The following THSD4 variants were observed in gnomAD, a reference collection of about 807,000 sequenced individuals.
The protein encoded by THSD4 is thrombospondin type 1 domain containing 4.
A neutral mutation model predicts 119.0 loss-of-function variants in THSD4; 69 were observed. The ratio of observed to expected loss-of-function variants is 0.58; its 90% CI spans 0.48 to 0.71. THSD4 has a LOEUF of 0.71. Among genes scored for constraint, THSD4 ranks in the 30% least tolerant of loss-of-function variants. THSD4 has a pLI of 0.00. For missense variants in THSD4, 1,393 were observed against 1,391.1 expected (o/e 1.00, Z -0.02); for synonymous variants, 524 against 540.4 (o/e 0.97, Z 0.42).
At chr15:71,186,771 G>T (rs1378616105) in intron 3 of THSD4, 3 of 152,210 alleles carry the variant, frequency 2.0e-5, no homozygotes, top group African/African-American at 7.2e-5. Flanking sequence ...AGTTATTATT[G>T]CAAGGCATTT....
At chr15:71,693,488 A>C (rs2052097232) in intron 8 of THSD4, among the ~76,000 whole-genome samples, 1 of 152,162 alleles carries the variant, frequency 6.6e-6, no homozygotes, top group Non-Finnish European at 1.5e-5. Flanking sequence ...CTGTACAAAA[A>C]ATACAAAAAT....
intron 7 of THSD4, among the ~76,000 whole-genome samples, chr15:71,513,676 T>C (rs781219418): frequency 4.6e-5 from 7 of 152,184 alleles, no homozygotes; most frequent in Non-Finnish European, 8.8e-5. Flanking sequence ...GCAATGAAAT[T>C]GCTGGGTATT....
chr15:71,582,996 A>C (rs1373749722), intron 7 of THSD4, among the ~76,000 whole-genome samples: 1 of 152,084 alleles, frequency 6.6e-6, no homozygotes, highest in East Asian at 1.9e-4. Flanking sequence ...GGTCTGGGAA[A>C]CTTTGGCATT....
chr15:71,519,787 A>G (rs533765726), intron 7 of THSD4, among the ~76,000 whole-genome samples: 1 of 152,290 alleles, frequency 6.6e-6, no homozygotes, highest in South Asian at 2.1e-4. Context: ...TTTTTGAAGG[A>G]GGAGGATAGT....
At chr15:71,629,042 G>A (rs887362325) in intron 7 of THSD4, among the ~76,000 whole-genome samples, 3 of 152,140 alleles carry the variant, frequency 2.0e-5, no homozygotes, top group African/African-American at 4.8e-5. Flanking sequence ...CAGTTATCAC[G>A]GGGTTTGGTT....
intron 4 of THSD4, among the ~76,000 whole-genome samples, chr15:71,240,684 A>T (rs2044144197): frequency 6.6e-6 from 1 of 152,174 alleles, no homozygotes; most frequent in Non-Finnish European, 1.5e-5. Flanking sequence ...ATCTTAAAAA[A>T]ACACACATAC....
chr15:71,465,718 A>G (rs16955657), intron 7 of THSD4, among the ~76,000 whole-genome samples: 2,946 of 152,326 alleles, frequency 0.019, 71 homozygotes, highest in South Asian at 0.065. Context: ...CTCATGGGTT[A>G]TTTCCCAAAA....
chr15:71,429,335 A>G (rs983740875), intron 7 of THSD4, among the ~76,000 whole-genome samples: 1 of 152,224 alleles, frequency 6.6e-6, no homozygotes, highest in Non-Finnish European at 1.5e-5. Flanking sequence ...GTGGCCTGGG[A>G]CAAAGTCTGT....
At chr15:71,749,731 T>TTATTTATTTATTTATC (rs1249697166) in intron 14 of THSD4, among the ~76,000 whole-genome samples, 1 of 150,476 alleles carries the variant, frequency 6.6e-6, no homozygotes, top group South Asian at 2.1e-4. Context: ...ATTTATTTAT[T>TTATTTATTTATTTATC]TATTTTGAGA....
At chr15:71,200,257 T>C (rs1454912090) in intron 3 of THSD4, among the ~76,000 whole-genome samples, 1 of 152,158 alleles carries the variant, frequency 6.6e-6, no homozygotes, top group Non-Finnish European at 1.5e-5. Flanking sequence ...CTGCAGCTTC[T>C]CTGACTTTGC....
At chr15:71,608,245 T>TACACACAC (rs1290956246) in intron 7 of THSD4, among the ~76,000 whole-genome samples, 5 of 77,570 alleles carry the variant, frequency 6.4e-5, no homozygotes, top group East Asian at 3.4e-4. Flanking sequence ...AAAATATATA[T>TACACACAC]ATATACACAC....
intron 7 of THSD4, among the ~76,000 whole-genome samples, chr15:71,540,058 T>C (rs1252268447): frequency 3.3e-5 from 5 of 152,136 alleles, no homozygotes; most frequent in Non-Finnish European, 5.9e-5. Context: ...AAGGGAATCA[T>C]TGGGAGCAAG....
At chr15:71,165,465 C>T (rs968022320) in intron 3 of THSD4, 18 of 1,343,012 alleles carry the variant, frequency 1.3e-5, no homozygotes, top group African/African-American at 4.3e-5. Flanking sequence ...AGTGCCCGTC[C>T]GGCTCTCACT....
chr15:71,630,893 T>A (rs1027423105), intron 7 of THSD4, among the ~76,000 whole-genome samples: 1 of 152,200 alleles, frequency 6.6e-6, no homozygotes, highest in African/African-American at 2.4e-5. Flanking sequence ...CTATCCACAT[T>A]TGGCCCTGAA....
intron 8 of THSD4, among the ~76,000 whole-genome samples, chr15:71,723,945 C>G (rs1052869421): frequency 3.3e-5 from 5 of 151,612 alleles, no homozygotes; most frequent in Non-Finnish European, 5.9e-5. Flanking sequence ...TGGTGCGCAC[C>G]TGTGGGAAGC....
intron 7 of THSD4, among the ~76,000 whole-genome samples, chr15:71,638,552 C>G (rs768143209): frequency 6.6e-6 from 1 of 152,134 alleles, no homozygotes; most frequent in Non-Finnish European, 1.5e-5. Context: ...CAGAGAAAAT[C>G]TTTTTAAGCA....
chr15:71,607,093 T>C (rs1395227093), intron 7 of THSD4, among the ~76,000 whole-genome samples: 1 of 152,150 alleles, frequency 6.6e-6, no homozygotes, highest in East Asian at 1.9e-4. Context: ...CAAATGGAGA[T>C]ACAGTATCAG....
intron 6 of THSD4, among the ~76,000 whole-genome samples, chr15:71,295,793 C>T (rs906275493): frequency 1.6e-4 from 24 of 152,158 alleles, no homozygotes; most frequent in African/African-American, 5.3e-4. Context: ...ACATTTTTAT[C>T]ATGTCAGTAA....
At chr15:71,158,772 G>C (rs1325492742) in intron 3 of THSD4, among the ~76,000 whole-genome samples, 1 of 151,184 alleles carries the variant, frequency 6.6e-6, no homozygotes, top group Non-Finnish European at 1.5e-5. Flanking sequence ...TCAGTTTATT[G>C]TGGAAATTTA....
Sources: allele counts gnomAD v4.1 joint callset (sites outside exome capture counted in the v4.1 genomes callset), GRCh38; gene constraint gnomAD v4.1.1; transcripts MANE v1.5; gene names NCBI Gene and HGNC (gene_info 2026-07-23, HGNC 2026-07-21).